Variants in SCUBE1 observed in about 807,000 individuals in gnomAD.
SCUBE1 encodes the protein signal peptide, CUB and EGF-like domain-containing protein 1.
In SCUBE1, 59 loss-of-function variants were observed where a neutral mutation model predicts 124.4. The ratio of observed to expected loss-of-function variants is 0.47; its 90% CI spans 0.38 to 0.59. The LOEUF (loss-of-function observed/expected upper bound fraction) is 0.59. Ranked by LOEUF, SCUBE1 falls within the 20% of genes least tolerant of loss-of-function variation. The probability of loss-of-function intolerance (pLI) is 0.00; values close to 1 mark genes in which losing one functional copy is unlikely to be tolerated. For missense variants in SCUBE1, 1,150 were observed against 1,371.2 expected (o/e 0.84, Z 2.55); for synonymous variants, 545 against 550.9 (o/e 0.99, Z 0.15).
intron 15 of SCUBE1, among the ~76,000 whole-genome samples, chr22:43,214,470 C>T (rs982602852): frequency 2.5e-4 from 38 of 152,236 alleles, no homozygotes; most frequent in African/African-American, 8.7e-4. Flanking sequence ...CTGGCTGCTG[C>T]ACCTCAGAGT....
chr22:43,296,976 C>G (rs1925585405), intron 3 of SCUBE1, among the ~76,000 whole-genome samples: 1 of 152,192 alleles, frequency 6.6e-6, no homozygotes, highest in African/African-American at 2.4e-5. Flanking sequence ...GCCCGCAGAG[C>G]TGGGGGAGGT....
chr22:43,227,850 C>G (rs1365296063), intron 9 of SCUBE1, among the ~76,000 whole-genome samples: 2 of 152,274 alleles, frequency 1.3e-5, no homozygotes, highest in Non-Finnish European at 2.9e-5. Context: ...ACTGATTTTA[C>G]CGTGGGACTC....
At chr22:43,209,412 A>G (rs959050347) in intron 19 of SCUBE1, among the ~76,000 whole-genome samples, 1 of 152,232 alleles carries the variant, frequency 6.6e-6, no homozygotes, top group African/African-American at 2.4e-5. Flanking sequence ...CGGGTGGCTC[A>G]GGGGCCTCCC....
At chr22:43,266,975 G>A (rs559368412) in intron 4 of SCUBE1, among the ~76,000 whole-genome samples, 68 of 152,326 alleles carry the variant, frequency 4.5e-4, no homozygotes, top group Middle Eastern at 3.4e-3. Context: ...CTGTTTTCTC[G>A]GCTGTGAAAT....
At chr22:43,300,190 A>T (rs1402344522) in intron 3 of SCUBE1, among the ~76,000 whole-genome samples, 1 of 152,028 alleles carries the variant, frequency 6.6e-6, no homozygotes, top group African/African-American at 2.4e-5. Flanking sequence ...GCCCTTTTTG[A>T]GGAAATGACT....
intron 4 of SCUBE1, among the ~76,000 whole-genome samples, chr22:43,277,329 G>A (rs1004558015): frequency 2.0e-4 from 30 of 152,162 alleles, no homozygotes; most frequent in Admixed American, 6.5e-5. Context: ...GGGAATGACA[G>A]AGCCAGAGGG....
intron 3 of SCUBE1, among the ~76,000 whole-genome samples, chr22:43,303,618 C>G (rs538402553): frequency 3.6e-4 from 55 of 152,364 alleles, no homozygotes; most frequent in African/African-American, 1.3e-3. Flanking sequence ...CACTGGCACG[C>G]TCGCAGGCCT....
chr22:43,343,084 G>T, intron 1 of SCUBE1, 90 bp downstream of exon 1: 2 of 568,080 alleles, frequency 3.5e-6, no homozygotes, highest in Non-Finnish European at 4.7e-6. Flanking sequence ...GGGCGAGCTC[G>T]GGATCCGCGG....
chr22:43,295,043 A>G (rs951225275), intron 3 of SCUBE1, among the ~76,000 whole-genome samples: 1 of 152,204 alleles, frequency 6.6e-6, no homozygotes, highest in Non-Finnish European at 1.5e-5. Flanking sequence ...CAAAGCTCTA[A>G]AAGAGGCAGA....
rs114174246 is a variant in SCUBE1 at position 43,338,178 on chromosome 22, C to T, written c.220+926G>A. 2.2e-3 allele frequency among the ~76,000 whole-genome samples: 340 copies of T among 152,326 alleles called. 1 individual carries two copies. The highest frequency in any genetic ancestry group is 7.7e-3 in the African/African-American group (321 of 41,564). On this transcript the variant is annotated intron_variant, in intron 2 of 21. Coordinates refer to ENST00000360835, the MANE Select transcript of SCUBE1 (RefSeq NM_173050.5). ...CCATGCAGACTCTCATGGACAAAAG[C>T]TCCAAAGGTTCCAATGGGCTTGCAG... is the stretch of plus-strand genomic sequence containing the variant.
rs1012762642 is a variant in SCUBE1, at chr22:43,201,684, C to T, written c.*2313G>A. The T allele has an allele frequency of 6.6e-6, 1 of 152,090 alleles. No homozygotes were observed. Among genetic ancestry groups the T allele is most frequent in the East Asian group, 1.9e-4 (1 of 5,178 alleles). 9.4% of individuals were successfully genotyped at this position (152,090 alleles called of 1,614,324 possible). A position where few individuals can be genotyped will look rare whatever the true frequency, so the allele number is the denominator to read the frequency against. On this transcript the variant is annotated 3_prime_UTR_variant, in exon 22 of 22. Coordinates refer to ENST00000360835, the MANE Select transcript of SCUBE1 (RefSeq NM_173050.5). ...CTCAGACTGAGTTACGGTGTGGCTT[C>T]TCCTGGTCTCCCAATCGCAGACAGC...
At chr22:43,322,723 T>G (rs1011434746) in intron 2 of SCUBE1, among the ~76,000 whole-genome samples, 1 of 152,156 alleles carries the variant, frequency 6.6e-6, no homozygotes, top group Admixed American at 6.5e-5. Context: ...CTTAACAGTC[T>G]TATCCAAACA....
chr22:43,272,202 C>T (rs151251691), intron 4 of SCUBE1, among the ~76,000 whole-genome samples: 511 of 152,164 alleles, frequency 3.4e-3, no homozygotes, highest in African/African-American at 0.012. Context: ...AGAGTTTATC[C>T]CCCAGAGCCT....
At chr22:43,306,879 C>T (rs1171516302) in intron 3 of SCUBE1, among the ~76,000 whole-genome samples, 2 of 152,208 alleles carry the variant, frequency 1.3e-5, no homozygotes, top group African/African-American at 4.8e-5. Flanking sequence ...ACTGGGGAGT[C>T]ACAGGCCATC....
At position 43,198,825 on chromosome 22, in the gene SCUBE1, G is replaced by A. The variant is rs1052366535; in HGVS notation, c.*5172C>T. 3 of 419,224 alleles carry A rather than the reference G, an allele frequency of 7.2e-6. No homozygotes were observed. Among genetic ancestry groups the A allele is most frequent in the Admixed American group, 2.5e-5 (1 of 40,120 alleles). 26.0% of individuals were successfully genotyped at this position (419,224 alleles called of 1,614,324 possible). ...CAGCTTGTCTGCTGTCTGGGGCAGGGTGTCTGTCTATCTGCTGTCTGGGGA... is the reference window on the plus strand; with the variant it reads ...CAGCTTGTCTGCTGTCTGGGGCAGGATGTCTGTCTATCTGCTGTCTGGGGA... On this transcript the variant is annotated 3_prime_UTR_variant, in exon 22 of 22. Coordinates refer to ENST00000360835, the MANE Select transcript of SCUBE1 (RefSeq NM_173050.5).
chr22:43,267,088 C>T (rs189981208), intron 4 of SCUBE1, among the ~76,000 whole-genome samples: 114 of 152,316 alleles, frequency 7.5e-4, no homozygotes, highest in Non-Finnish European at 8.4e-4. Flanking sequence ...AAGGCTGCTA[C>T]GACAGCACTC....
chr22:43,245,692 C>T (rs1208807890), intron 6 of SCUBE1, among the ~76,000 whole-genome samples: 1 of 152,222 alleles, frequency 6.6e-6, no homozygotes, highest in Non-Finnish European at 1.5e-5. Context: ...AGCCCCGTGA[C>T]TCTGAGGCCC....
intron 4 of SCUBE1, among the ~76,000 whole-genome samples, chr22:43,289,321 G>C (rs1244986843): frequency 5.3e-5 from 8 of 152,202 alleles, no homozygotes; most frequent in Non-Finnish European, 8.8e-5. Context: ...TGGGCAGCTT[G>C]GCCCCACAGC....
At chr22:43,321,804 C>T (rs1926564536) in intron 2 of SCUBE1, among the ~76,000 whole-genome samples, 1 of 152,212 alleles carries the variant, frequency 6.6e-6, no homozygotes, top group South Asian at 2.1e-4. Flanking sequence ...ACTCAAACTC[C>T]TGGGCTCAAG....
Sources: gnomAD v4.1 joint callset for allele counts (sites outside exome capture counted in the v4.1 genomes callset) on GRCh38, gnomAD v4.1.1 for gene constraint, MANE v1.5 for transcripts, NCBI Gene and HGNC (gene_info 2026-07-23, HGNC 2026-07-21) for gene names.